SEMA6D: variants seen among roughly 807,000 people sequenced by gnomAD.
The protein encoded by SEMA6D is semaphorin-6D.
SEMA6D carries 35 observed loss-of-function variants against 106.6 expected under a neutral mutation model. The ratio of observed to expected loss-of-function variants is 0.33; its 90% CI spans 0.25 to 0.44. The LOEUF (loss-of-function observed/expected upper bound fraction) is 0.44. Ranked by LOEUF, SEMA6D falls within the 20% of genes least tolerant of loss-of-function variation. The pLI, the probability that SEMA6D is intolerant of heterozygous loss-of-function variation, is 1.00. For synonymous variants in SEMA6D, 499 were observed against 487.7 expected, an observed-to-expected ratio of 1.02 and a Z score of -0.31; for missense variants, 1,185 against 1,345.9, an observed-to-expected ratio of 0.88 and a Z score of 1.87.
intron 1 of SEMA6D, among the ~76,000 whole-genome samples, chr15:47,193,105 A>G (rs945370691): frequency 1.3e-5 from 2 of 152,172 alleles, no homozygotes; most frequent in Non-Finnish European, 2.9e-5. Flanking sequence ...GCCATATTGC[A>G]TGGTGTTTGA....
At chr15:47,267,040 AC>A (rs2034353032) in intron 1 of SEMA6D, among the ~76,000 whole-genome samples, 1 of 152,038 alleles carries the variant, frequency 6.6e-6, no homozygotes, top group Non-Finnish European at 1.5e-5. Flanking sequence ...CAGTAATTCT[AC>A]CGGGGCTTTC....
intron 1 of SEMA6D, among the ~76,000 whole-genome samples, chr15:47,269,711 A>G (rs1242858801): frequency 1.3e-5 from 2 of 152,116 alleles, no homozygotes; most frequent in Non-Finnish European, 2.9e-5. Flanking sequence ...ACATATGGAA[A>G]TAGATGACAC....
At chr15:47,700,400 A>G (rs1169481927) in intron 4 of SEMA6D, among the ~76,000 whole-genome samples, 2 of 152,118 alleles carry the variant, frequency 1.3e-5, no homozygotes, top group African/African-American at 4.8e-5. Context: ...GCCACGCATG[A>G]TGGCACACAC....
Position 47,766,132 on chromosome 15 carries a change from T to C in SEMA6D, c.1596T>C (p.Tyr532=), listed in dbSNP as rs113249348. The part of the protein sequence containing the change: ...KKSCIASRDP[Y]CGWLSQGSCG... Reference sequence around the variant, plus strand: ...CTTGTATTGCATCTCGTGACCCGTATTGTGGCTGGTTAAGCCAGGGATCCT... The same window carrying C: ...CTTGTATTGCATCTCGTGACCCGTACTGTGGCTGGTTAAGCCAGGGATCCT... Residue 532 remains tyrosine, a synonymous_variant, in exon 15 of 19, where the codon TAT becomes TAC. Transcript: ENST00000536845. 67 of 1,613,676 alleles carry C rather than the reference T, an allele frequency of 4.2e-5. No homozygotes were observed. The African/African-American group carries it at 4.5e-4, about 11-fold the overall frequency.
At chr15:47,590,665 G>A (rs2076422304) in intron 3 of SEMA6D, among the ~76,000 whole-genome samples, 2 of 152,124 alleles carry the variant, frequency 1.3e-5, no homozygotes, top group South Asian at 4.1e-4. Context: ...CTTGTAAGAG[G>A]AAGGAGACAC....
intron 1 of SEMA6D, among the ~76,000 whole-genome samples, chr15:47,225,378 G>A (rs1234485921): frequency 1.3e-5 from 2 of 151,884 alleles, no homozygotes; most frequent in Non-Finnish European, 2.9e-5. Flanking sequence ...TCCCATTGCT[G>A]TTTTAATTTA....
intron 1 of SEMA6D, among the ~76,000 whole-genome samples, chr15:47,278,540 A>C (rs2034948247): frequency 6.6e-6 from 1 of 152,070 alleles, no homozygotes; most frequent in Non-Finnish European, 1.5e-5. Context: ...TAGGTTGCGA[A>C]AATTTTCTCC....
intron 3 of SEMA6D, among the ~76,000 whole-genome samples, chr15:47,486,816 A>G (rs957477834): frequency 2.0e-5 from 3 of 152,236 alleles, no homozygotes; most frequent in African/African-American, 7.2e-5. Context: ...GATGTAATGC[A>G]TGGTTTAAAA....
intron 1 of SEMA6D, among the ~76,000 whole-genome samples, chr15:47,373,096 G>A (rs2039331171): frequency 6.6e-6 from 1 of 152,180 alleles, no homozygotes; most frequent in African/African-American, 2.4e-5. Context: ...TTATTGTGAA[G>A]CACCTGCTTC....
intron 2 of SEMA6D, among the ~76,000 whole-genome samples, chr15:47,418,086 T>C (rs924282600): frequency 1.3e-5 from 2 of 152,028 alleles, no homozygotes; most frequent in Non-Finnish European, 2.9e-5. Flanking sequence ...TATGAAATGG[T>C]ATATGGGGCT....
intron 4 of SEMA6D, among the ~76,000 whole-genome samples, chr15:47,634,991 T>C (rs768649402): frequency 2.0e-5 from 3 of 152,170 alleles, no homozygotes; most frequent in Non-Finnish European, 4.4e-5. Context: ...ACAGACCTTT[T>C]TTGGAGCTTT....
chr15:47,722,380 T>C (rs74011226), intron 1 of SEMA6D, among the ~76,000 whole-genome samples: 2,236 of 152,328 alleles, frequency 0.015, 59 homozygotes, highest in African/African-American at 0.051. Context: ...AAGTTATTGC[T>C]ACATCCCTTT....
At chr15:47,415,249 TTGTG>T (rs1466352947) in intron 2 of SEMA6D, among the ~76,000 whole-genome samples, 7 of 152,170 alleles carry the variant, frequency 4.6e-5, no homozygotes. Context: ...TTTCCCTGAA[TTGTG>T]TGTGTATCTA....
intron 1 of SEMA6D, among the ~76,000 whole-genome samples, chr15:47,252,656 T>C (rs62014027): frequency 0.012 from 1,782 of 152,356 alleles, 34 homozygotes; most frequent in Admixed American, 0.012. Flanking sequence ...TTTTGGTCTT[T>C]CTGTGTCTGA....
chr15:47,314,292 C>T (rs1223693932), intron 1 of SEMA6D, among the ~76,000 whole-genome samples: 1 of 151,990 alleles, frequency 6.6e-6, no homozygotes, highest in African/African-American at 2.4e-5. Context: ...GCATGTTTTC[C>T]TATTAGTGTT....
intron 8 of SEMA6D, 117 bp downstream of exon 8, chr15:47,762,436 A>C (rs1351787060): frequency 9.6e-6 from 11 of 1,142,492 alleles, no homozygotes; most frequent in Non-Finnish European, 1.4e-5. Flanking sequence ...ATTTAGAACA[A>C]GTACACACTG....
intron 1 of SEMA6D, among the ~76,000 whole-genome samples, chr15:47,227,857 T>TTATATATTTTATATATATAAGAATCA (rs1566938260): frequency 2.8e-5 from 3 of 107,484 alleles, no homozygotes; most frequent in South Asian, 2.6e-4. Context: ...AGTCCATACA[T>TTATATATTTTATATATATAAGAATCA]TATATATTTT....
chr15:47,386,049 A>G (rs2145721317), intron 1 of SEMA6D, among the ~76,000 whole-genome samples: 1 of 152,362 alleles, frequency 6.6e-6, no homozygotes, highest in Admixed American at 6.5e-5. Context: ...GTTTACAAGA[A>G]TTAAATATAT....
intron 1 of SEMA6D, among the ~76,000 whole-genome samples, chr15:47,188,208 T>C (rs1239221162): frequency 6.6e-6 from 1 of 152,202 alleles, no homozygotes; most frequent in African/African-American, 2.4e-5. Context: ...AGAAAGATGA[T>C]GTTTGATTCA....
Sources: allele counts gnomAD v4.1 joint callset (sites outside exome capture counted in the v4.1 genomes callset), GRCh38; gene constraint gnomAD v4.1.1; transcripts MANE v1.5; gene names NCBI Gene and HGNC (gene_info 2026-07-23, HGNC 2026-07-21).